LHPP: variants seen among roughly 807,000 people sequenced by gnomAD.
LHPP encodes hLHPP.
A neutral mutation model predicts 30.3 loss-of-function variants in LHPP; 24 were observed. That is an observed-to-expected ratio of 0.79 (90% CI 0.57 to 1.11). The LOEUF (loss-of-function observed/expected upper bound fraction) is 1.11, where lower values mean the gene tolerates loss of function less well. LHPP is among the 50% of genes most tolerant of loss of function. The probability of loss-of-function intolerance (pLI) is 0.00; values close to 1 mark genes in which losing one functional copy is unlikely to be tolerated. For synonymous variants in LHPP, 150 were observed against 157.1 expected (o/e 0.95, Z 0.34); for missense variants, 356 against 367.2 (o/e 0.97, Z 0.25).
At chr10:124,493,982 A>G (rs996940217) in intron 3 of LHPP, 1 of 152,230 alleles carries the variant, frequency 6.6e-6, no homozygotes, top group East Asian at 1.9e-4. Flanking sequence ...TGGGCACTAT[A>G]AAATCAAGCC....
chr10:124,555,602 G>A (rs1435376684), intron 6 of LHPP, among the ~76,000 whole-genome samples: 1 of 152,174 alleles, frequency 6.6e-6, no homozygotes, highest in African/African-American at 2.4e-5. Flanking sequence ...CTGTAGGGCT[G>A]GCCTTATTGG....
intron 6 of LHPP, among the ~76,000 whole-genome samples, chr10:124,612,215 C>T (rs1320452961): frequency 2.0e-5 from 3 of 151,618 alleles, no homozygotes; most frequent in Non-Finnish European, 4.4e-5. Flanking sequence ...ACCGGCCTGG[C>T]CAACATGGCG....
intron 6 of LHPP, among the ~76,000 whole-genome samples, chr10:124,600,739 G>A (rs371034571): frequency 6.6e-6 from 1 of 152,214 alleles, no homozygotes; most frequent in Admixed American, 6.5e-5. Context: ...CACTCATGGG[G>A]AGGGACTGCC....
intron 6 of LHPP, among the ~76,000 whole-genome samples, chr10:124,547,021 G>GCACA (rs58588487): frequency 1.0e-5 from 1 of 95,644 alleles, no homozygotes; most frequent in East Asian, 2.6e-4. Context: ...TTCTTTTTCT[G>GCACA]CACACACACA....
intron 6 of LHPP, among the ~76,000 whole-genome samples, chr10:124,550,033 C>T (rs1352099226): frequency 5.3e-5 from 8 of 152,216 alleles, no homozygotes; most frequent in Admixed American, 6.5e-5. Flanking sequence ...GTGGATGGGC[C>T]AGGCTTCCAG....
chr10:124,582,770 C>T (rs775032365), intron 6 of LHPP, among the ~76,000 whole-genome samples: 45 of 151,622 alleles, frequency 3.0e-4, no homozygotes, highest in South Asian at 2.1e-4. Context: ...TTTAGGAGGC[C>T]GAGGCAGGTG....
intron 6 of LHPP, among the ~76,000 whole-genome samples, chr10:124,604,992 G>A (rs969454799): frequency 2.6e-5 from 4 of 152,228 alleles, no homozygotes; most frequent in East Asian, 1.9e-4. Context: ...GGCCGCACCC[G>A]TCTCCCTTGG....
intron 6 of LHPP, among the ~76,000 whole-genome samples, chr10:124,544,552 C>G (rs1247906391): frequency 1.3e-5 from 2 of 151,642 alleles, no homozygotes; most frequent in African/African-American, 2.4e-5. Context: ...TCTTTATTCA[C>G]CACCAGACCC....
intron 6 of LHPP, 168 bp from the exon 7 acceptor site, chr10:124,613,096 G>C: frequency 1.5e-6 from 1 of 651,828 alleles, no homozygotes; most frequent in Non-Finnish European, 2.8e-6. Context: ...TGCCTGAGTA[G>C]GGCAGGGGGA....
intron 6 of LHPP, among the ~76,000 whole-genome samples, chr10:124,604,596 C>T (rs1231494385): frequency 6.6e-6 from 1 of 152,272 alleles, no homozygotes; most frequent in South Asian, 2.1e-4. Context: ...CCCAGGCCCC[C>T]GGGGGTCTTG....
chr10:124,573,934 T>G (rs184262648), intron 6 of LHPP, among the ~76,000 whole-genome samples: 1 of 151,930 alleles, frequency 6.6e-6, no homozygotes, highest in African/African-American at 2.4e-5. Context: ...AGTTTATGTC[T>G]GAGACCTGGG....
chr10:124,572,249 A>G (rs1948593934), intron 6 of LHPP, among the ~76,000 whole-genome samples: 2 of 152,196 alleles, frequency 1.3e-5, no homozygotes, highest in Non-Finnish European at 2.9e-5. Flanking sequence ...AGGGCAGAGC[A>G]GGGGGACTGC....
intron 6 of LHPP, among the ~76,000 whole-genome samples, chr10:124,534,097 C>A (rs72631138): frequency 0.072 from 10,897 of 152,248 alleles, 664 homozygotes; most frequent in South Asian, 0.25. Context: ...CAAAGCAGAG[C>A]CCTTTGCTGT....
At position 124,484,134 on chromosome 10, in the gene LHPP, C is replaced by T. The variant is rs536103629; in HGVS notation, c.126-5C>T. ...CTTCCCGGGCCTGTGTCTCCCCTGC[C>T]GCAGACTGAAGCGTTCCCGGCTGAA... On this transcript the variant is annotated splice_polypyrimidine_tract_variant and splice_region_variant and intron_variant, in intron 1 of 6. Transcript: ENST00000368842. 44 of 1,613,354 alleles carry T rather than the reference C, an allele frequency of 2.7e-5. No individual in the cohort carries two copies. Among genetic ancestry groups the T allele is most frequent in the South Asian group, 3.3e-5 (3 of 90,998 alleles).
chr10:124,538,622 T>C (rs1263800530), intron 6 of LHPP, among the ~76,000 whole-genome samples: 6 of 152,152 alleles, frequency 3.9e-5, no homozygotes, highest in East Asian at 1.9e-4. Flanking sequence ...CTATGAAGAG[T>C]GTGCTGCTGA....
chr10:124,563,415 CA>C (rs1948435550), intron 6 of LHPP, among the ~76,000 whole-genome samples: 1 of 150,780 alleles, frequency 6.6e-6, no homozygotes, highest in East Asian at 1.9e-4. Flanking sequence ...AAGCCTATCC[CA>C]AAAGGTTATG....
chr10:124,470,779 G>A (rs936678259), intron 1 of LHPP, among the ~76,000 whole-genome samples: 1 of 152,172 alleles, frequency 6.6e-6, no homozygotes, highest in East Asian at 1.9e-4. Context: ...GAGGGGTCTG[G>A]CAGGACATTG....
At chr10:124,550,343 C>T (rs762519333) in intron 6 of LHPP, among the ~76,000 whole-genome samples, 3 of 152,244 alleles carry the variant, frequency 2.0e-5, no homozygotes, top group Non-Finnish European at 4.4e-5. Context: ...GACTGTCCCC[C>T]CTTCTCCCCC....
intron 6 of LHPP, among the ~76,000 whole-genome samples, chr10:124,586,570 A>G (rs184543280): frequency 2.6e-5 from 4 of 152,302 alleles, no homozygotes; most frequent in Non-Finnish European, 4.4e-5. Context: ...AATTTGTTTC[A>G]TGAAGGGACA....
Sources: allele counts gnomAD v4.1 joint callset (sites outside exome capture counted in the v4.1 genomes callset), GRCh38; gene constraint gnomAD v4.1.1; transcripts MANE v1.5; gene names NCBI Gene and HGNC (gene_info 2026-07-23, HGNC 2026-07-21).